The following ZNF2 variants were observed in gnomAD, a reference collection of about 807,000 sequenced individuals.
The protein encoded by ZNF2 is zinc finger protein 2.2.
In ZNF2, 12 loss-of-function variants were observed where a neutral mutation model predicts 21.9. The ratio of observed to expected loss-of-function variants is 0.55; its 90% CI spans 0.35 to 0.89. The LOEUF is 0.89. ZNF2 is among the 40% of genes least tolerant of loss of function. The pLI is 0.01. For missense variants in ZNF2, 462 were observed against 544.2 expected (o/e 0.85, Z 1.50); for synonymous variants, 186 against 196.3 (o/e 0.95, Z 0.44).
intron 1 of ZNF2, among the ~76,000 whole-genome samples, chr2:95,172,888 C>T (rs1470239208): frequency 6.6e-6 from 1 of 151,770 alleles, no homozygotes; most frequent in African/African-American, 2.4e-5. Context: ...CCACACGCCT[C>T]GGTCTCCCAA....
chr2:95,175,320 A>C (rs1455803378), intron 1 of ZNF2, among the ~76,000 whole-genome samples: 2 of 152,200 alleles, frequency 1.3e-5, no homozygotes, highest in Non-Finnish European at 2.9e-5. Context: ...TTTGCATGGA[A>C]ATTGGAGCCC....
At chr2:95,180,511 CTTTT>C (rs1165637913) in intron 4 of ZNF2, among the ~76,000 whole-genome samples, 2 of 139,370 alleles carry the variant, frequency 1.4e-5, no homozygotes, top group Non-Finnish European at 1.6e-5. Flanking sequence ...TTTGCTATTT[CTTTT>C]TTTTTTTTTT....
At position 95,167,188 on chromosome 2, in the gene ZNF2, G is replaced by A. The variant is rs545436746; in HGVS notation, c.-40+1328G>A. On this transcript the variant is annotated intron_variant, in intron 1 of 4. Coordinates refer to ENST00000614034, the MANE Select transcript of ZNF2 (RefSeq NM_021088.4). ...CACTTGAATAAGCAGAAGCTTGTCC[G>A]AACAGTGAAAAGCTACAGAGAAATA... Among the ~76,000 whole-genome samples, 3 of 152,266 alleles carry A rather than the reference G, an allele frequency of 2.0e-5. No homozygotes were observed. The South Asian group carries it at 6.2e-4, about 32-fold the overall frequency.
Position 95,181,732 on chromosome 2 carries a change from C to A in ZNF2, c.904C>A (p.Arg302Ser). Residue 302 changes from arginine to serine, a missense_variant, in exon 5 of 5, where the codon CGC (arginine) becomes AGC (serine). By Grantham distance (110) the Arg-to-Ser change is moderately radical (BLOSUM62 -1). Coordinates refer to ENST00000614034, the MANE Select transcript of ZNF2 (RefSeq NM_021088.4). Reference protein sequence around the residue: ...KAFSQKSILTRHQLIHTGRKP... With the variant: ...KAFSQKSILTSHQLIHTGRKP... Reference sequence around the variant, plus strand: ...CTTTAGCCAGAAAAGTATTCTTACTCGCCATCAGCTAATCCACACTGGCAG... The same window carrying A: ...CTTTAGCCAGAAAAGTATTCTTACTAGCCATCAGCTAATCCACACTGGCAG... 6.2e-7 allele frequency: 1 copy of A among 1,614,184 alleles called. No homozygotes were observed. Among genetic ancestry groups the A allele is most frequent in the Non-Finnish European group, 8.5e-7 (1 of 1,180,040 alleles).
Position 95,182,324 on chromosome 2 carries a change from G to A in ZNF2, c.*218G>A, listed in dbSNP as rs1674705100. ...CTCTAAAGATACAAAATTTTGAAGA[G>A]GTTTGTCAGACAATAGGATAGATGT... On this transcript the variant is annotated 3_prime_UTR_variant, in exon 5 of 5. Transcript: ENST00000614034. 6 of 564,328 alleles carry A rather than the reference G, an allele frequency of 1.1e-5. No individual in the cohort carries two copies. The Admixed American group carries it at 1.4e-4, about 13-fold the overall frequency. The allele number at this position is 564,328 out of a possible 1,614,324, so 35.0% of individuals were successfully genotyped here.
At chr2:95,172,793 T>C (rs1263122402) in intron 1 of ZNF2, among the ~76,000 whole-genome samples, 1 of 151,988 alleles carries the variant, frequency 6.6e-6, no homozygotes, top group Admixed American at 6.6e-5. Flanking sequence ...CGTGCCATCA[T>C]GCCTGGCTAA....
intron 2 of ZNF2, 88 bp downstream of exon 2, chr2:95,176,347 C>T: frequency 6.6e-7 from 1 of 1,524,310 alleles, no homozygotes; most frequent in Non-Finnish European, 9.1e-7. Flanking sequence ...CCTCTTTGAG[C>T]AGACCCAGCC....
At position 95,182,276 on chromosome 2, in the gene ZNF2, T is replaced by A; in HGVS notation, c.*170T>A. The A allele has an allele frequency of 1.3e-6, 1 of 791,476 alleles. No homozygotes were observed. Among genetic ancestry groups the A allele is most frequent in the Non-Finnish European group, 1.9e-6 (1 of 520,926 alleles). 49.0% of individuals were successfully genotyped at this position (791,476 alleles called of 1,614,324 possible). A position where few individuals can be genotyped will look rare whatever the true frequency, so the allele number is the denominator to read the frequency against. On this transcript the variant is annotated 3_prime_UTR_variant, in exon 5 of 5. Transcript: ENST00000614034. ...CTCCCTTCCTGCTGTGTTATAGAAC[T>A]GTAGGGGAGGCCATGGAAATGACTC... is the stretch of plus-strand genomic sequence containing the variant.
At chr2:95,177,068 T>G (rs1177373518) in intron 2 of ZNF2, among the ~76,000 whole-genome samples, 1 of 152,190 alleles carries the variant, frequency 6.6e-6, no homozygotes, top group Non-Finnish European at 1.5e-5. Flanking sequence ...ACTGAAATAT[T>G]TAGGATTAAA....
Position 95,181,397 on chromosome 2 carries a change from G to A in ZNF2, c.569G>A (p.Arg190His), listed in dbSNP as rs374422906. 10 of 1,614,010 alleles carry A rather than the reference G, an allele frequency of 6.2e-6. No homozygotes were observed. The African/African-American group carries it at 6.7e-5, about 11-fold the overall frequency. ...TTTTTTGACCACTCATCCCTCACCC[G>A]CCATCAGAGGACTCACACTGGGGAG... Reference protein sequence around the residue: ...KTFFDHSSLTRHQRTHTGEKP... With the variant: ...KTFFDHSSLTHHQRTHTGEKP... Residue 190 changes from arginine (R) to histidine (H), a missense_variant, in exon 5 of 5, where the codon CGC becomes CAC. Transcript: ENST00000614034.
In ZNF2 at chr2:95,184,264, T is replaced by C. The variant is rs1034285393; in HGVS notation, c.*2158T>C. On this transcript the variant is annotated 3_prime_UTR_variant, in exon 5 of 5. Coordinates refer to ENST00000614034, the MANE Select transcript of ZNF2 (RefSeq NM_021088.4). ...TAACAGAATCTATAGGTGTGGACAA[T>C]ATGTGATATTGCTAAATAATGTCAA... 2.0e-5 allele frequency: 3 copies of C among 152,150 alleles called. No homozygotes were observed. Among genetic ancestry groups the C allele is most frequent in the African/African-American group, 7.2e-5 (3 of 41,436 alleles). 9.4% of individuals were successfully genotyped at this position (152,150 alleles called of 1,614,324 possible). A position where few individuals can be genotyped will look rare whatever the true frequency, so the allele number is the denominator to read the frequency against.
At position 95,183,160 on chromosome 2, in the gene ZNF2, C is replaced by T. The variant is rs529968190; in HGVS notation, c.*1054C>T. On this transcript the variant is annotated 3_prime_UTR_variant, in exon 5 of 5. Coordinates refer to ENST00000614034, the MANE Select transcript of ZNF2 (RefSeq NM_021088.4). Reference sequence around the variant, plus strand: ...CTAAGCTGTGGTACAGTAACAAGCCCGCAGAGAGCTATGTCTCCCTTAAAA... The same window carrying T: ...CTAAGCTGTGGTACAGTAACAAGCCTGCAGAGAGCTATGTCTCCCTTAAAA... 19 of 152,294 alleles carry T rather than the reference C, an allele frequency of 1.2e-4. No homozygotes were observed. The highest frequency in any genetic ancestry group is 3.6e-4 in the African/African-American group (15 of 41,546). The allele number at this position is 152,294 out of a possible 1,614,324, so 9.4% of individuals were successfully genotyped here. A position where few individuals can be genotyped will look rare whatever the true frequency, so the allele number is the denominator to read the frequency against.
chr2:95,179,996 G>GAAC (rs1647791087), intron 3 of ZNF2, among the ~76,000 whole-genome samples, 163 bp from the exon 4 acceptor site: 2 of 152,228 alleles, frequency 1.3e-5, no homozygotes, highest in Admixed American at 1.3e-4. Flanking sequence ...GATGGAGGTT[G>GAAC]CAGTGAGCCG....
chr2:95,181,226 G>A lies in ZNF2; in HGVS notation c.398G>A (p.Arg133Lys), dbSNP rs1461773921. 1.9e-6 allele frequency: 3 copies of A among 1,614,124 alleles called. No homozygotes were observed. The highest frequency in any genetic ancestry group is 1.1e-5 in the South Asian group (1 of 91,096). Residue 133 changes from arginine (R) to lysine (K), a missense_variant, in exon 5 of 5, where the codon AGG (arginine) becomes AAG (lysine). Arg to Lys is a conservative substitution (Grantham distance 26). Coordinates refer to ENST00000614034, the MANE Select transcript of ZNF2 (RefSeq NM_021088.4). Reference protein sequence around the residue: ...PKFEVHTPNGRMGTEKQSPSG... With the variant: ...PKFEVHTPNGKMGTEKQSPSG... ...TTTGAAGTTCATACACCCAATGGCAGGATGGGAACAGAAAAGCAAAGCCCT... is the reference window on the plus strand; with the variant it reads ...TTTGAAGTTCATACACCCAATGGCAAGATGGGAACAGAAAAGCAAAGCCCT...
At chr2:95,177,461 G>A in intron 2 of ZNF2, 22 bp from the exon 3 acceptor site, 1 of 1,612,106 alleles carries the variant, frequency 6.2e-7, no homozygotes, top group South Asian at 1.1e-5. Context: ...AAGAGTAAGG[G>A]AGAATGTGAT....
chr2:95,180,025 C>A, intron 3 of ZNF2, 134 bp from the exon 4 acceptor site: 1 of 632,956 alleles, frequency 1.6e-6, no homozygotes, highest in Non-Finnish European at 2.8e-6. Context: ...CCACAGCATT[C>A]CAGCCTGGGC....
chr2:95,174,498 G>A (rs923870476), intron 1 of ZNF2, among the ~76,000 whole-genome samples: 1 of 152,130 alleles, frequency 6.6e-6, no homozygotes, highest in Non-Finnish European at 1.5e-5. Context: ...GCTAATTTTT[G>A]TTGTTAATCC....
At chr2:95,177,232 T>C (rs1353296760) in intron 2 of ZNF2, among the ~76,000 whole-genome samples, 3 of 152,200 alleles carry the variant, frequency 2.0e-5, no homozygotes, top group African/African-American at 4.8e-5. Context: ...GTGCTGTTTT[T>C]AGAAGTCTGA....
chr2:95,166,333 A>G (rs1346794356), intron 1 of ZNF2, among the ~76,000 whole-genome samples: 1 of 151,532 alleles, frequency 6.6e-6, no homozygotes. Flanking sequence ...CAAAACAAAA[A>G]CCACGAAAGA....
Sources: gnomAD v4.1 joint callset for allele counts (sites outside exome capture counted in the v4.1 genomes callset) on GRCh38, gnomAD v4.1.1 for gene constraint, MANE v1.5 for transcripts, NCBI Gene and HGNC (gene_info 2026-07-23, HGNC 2026-07-21) for gene names.